ACVR1C: variants seen among roughly 807,000 people sequenced by gnomAD.
ACVR1C encodes the protein activin A receptor type 1C.
In ACVR1C, 23 loss-of-function variants were observed where a neutral mutation model predicts 57.9. The ratio of observed to expected loss-of-function variants is 0.40; its 90% confidence interval spans 0.29 to 0.56. The LOEUF is 0.56. Ranked by LOEUF, ACVR1C falls within the 20% of genes least tolerant of loss-of-function variation. The probability of loss-of-function intolerance (pLI) is 0.50; values close to 1 mark genes in which losing one functional copy is unlikely to be tolerated. For synonymous variants in ACVR1C, 214 were observed against 215.3 expected (o/e 0.99, Z 0.05); for missense variants, 480 against 607.9 (o/e 0.79, Z 2.21).
At chr2:157,549,943 C>A (rs999236547) in intron 4 of ACVR1C, among the ~76,000 whole-genome samples, 2 of 135,676 alleles carry the variant, frequency 1.5e-5, no homozygotes, top group African/African-American at 5.6e-5. Flanking sequence ...GCAGAGCTTG[C>A]GGTGAGCCGA....
intron 1 of ACVR1C, among the ~76,000 whole-genome samples, chr2:157,611,696 G>T (rs910370682): frequency 6.6e-6 from 1 of 152,152 alleles, no homozygotes; most frequent in South Asian, 2.1e-4. Flanking sequence ...GCATGTGTGG[G>T]TATATTTTGT....
intron 1 of ACVR1C, among the ~76,000 whole-genome samples, chr2:157,596,248 C>T (rs1682107231): frequency 6.6e-6 from 1 of 151,984 alleles, no homozygotes; most frequent in South Asian, 2.1e-4. Context: ...ATATAGAAAT[C>T]CTTTGTCATA....
intron 2 of ACVR1C, among the ~76,000 whole-genome samples, chr2:157,578,253 G>A (rs985845117): frequency 6.6e-6 from 1 of 152,076 alleles, no homozygotes; most frequent in Non-Finnish European, 1.5e-5. Context: ...TTTCCGTACT[G>A]GAGATTAGAA....
In ACVR1C at chr2:157,528,239, A is replaced by G. The variant is rs576889194; in HGVS notation, c.*5679T>C. 6.6e-6 allele frequency: 1 copy of G among 152,270 alleles called. No individual in the cohort carries two copies. The highest frequency in any genetic ancestry group is 2.1e-4 in the South Asian group (1 of 4,828). 9.4% of individuals were successfully genotyped at this position (152,270 alleles called of 1,614,324 possible). A position where few individuals can be genotyped will look rare whatever the true frequency, so the allele number is the denominator to read the frequency against. ...TGGGAAGATTTATATAGAGCACAAC[A>G]GGCCTGACTGGATGTGATGGCAGTG... On this transcript the variant is annotated 3_prime_UTR_variant, in exon 9 of 9. Transcript: ENST00000243349.
chr2:157,616,858 G>A (rs1439200335), intron 1 of ACVR1C, among the ~76,000 whole-genome samples: 1 of 151,490 alleles, frequency 6.6e-6, no homozygotes, highest in East Asian at 1.9e-4. Context: ...AATCCACAAA[G>A]AAAGTAAAAT....
intron 2 of ACVR1C, among the ~76,000 whole-genome samples, chr2:157,579,773 C>A (rs1452886083): frequency 1.3e-5 from 2 of 152,062 alleles, no homozygotes; most frequent in African/African-American, 4.8e-5. Context: ...TTCCAGATTT[C>A]TTGTCATATG....
At chr2:157,586,190 T>C (rs1040381166) in intron 2 of ACVR1C, among the ~76,000 whole-genome samples, 1 of 152,174 alleles carries the variant, frequency 6.6e-6, no homozygotes, top group Non-Finnish European at 1.5e-5. Flanking sequence ...TTTGTTTACA[T>C]AGTTATCTTC....
At chr2:157,558,933 A>G (rs1010834350) in intron 2 of ACVR1C, among the ~76,000 whole-genome samples, 4 of 152,260 alleles carry the variant, frequency 2.6e-5, no homozygotes, top group African/African-American at 7.2e-5. Context: ...TGCATCTTAC[A>G]TAAACATCTA....
At chr2:157,594,148 T>A (rs1022452337) in intron 1 of ACVR1C, among the ~76,000 whole-genome samples, 1 of 152,194 alleles carries the variant, frequency 6.6e-6, no homozygotes, top group Non-Finnish European at 1.5e-5. Context: ...AAATTATTAG[T>A]ACTAACCATT....
At chr2:157,622,657 A>C (rs1339038370) in intron 1 of ACVR1C, among the ~76,000 whole-genome samples, 1 of 152,210 alleles carries the variant, frequency 6.6e-6, no homozygotes, top group Non-Finnish European at 1.5e-5. Context: ...AAACTACTAC[A>C]AGAAAACATT....
At chr2:157,586,907 C>T (rs2105256136) in intron 2 of ACVR1C, among the ~76,000 whole-genome samples, 1 of 152,236 alleles carries the variant, frequency 6.6e-6, no homozygotes, top group African/African-American at 2.4e-5. Flanking sequence ...TAAAAATTTA[C>T]ATTTGACTTT....
intron 2 of ACVR1C, among the ~76,000 whole-genome samples, chr2:157,564,132 A>G (rs1688304770): frequency 2.0e-5 from 3 of 152,200 alleles, no homozygotes; most frequent in Admixed American, 2.0e-4. Context: ...TAATTAAACT[A>G]AGAGCTTCTG....
intron 1 of ACVR1C, among the ~76,000 whole-genome samples, chr2:157,593,057 C>T (rs1336957877): frequency 6.6e-6 from 1 of 152,096 alleles, no homozygotes; most frequent in African/African-American, 2.4e-5. Flanking sequence ...CTTTTATCCA[C>T]TCTTTGCCAA....
rs757773721 is a variant in ACVR1C, at chr2:157,556,454, G to C, written c.305-122C>G. ...ATTCAGCTACACAGTATGCACTTAT[G>C]TTCATTGGTAAAGGCTCTCTGTGGT... On this transcript the variant is annotated intron_variant, in intron 2 of 8. Coordinates refer to ENST00000243349, the MANE Select transcript of ACVR1C (RefSeq NM_145259.3). The C allele has an allele frequency of 1.2e-4, 160 of 1,282,818 alleles. 1 individual carries two copies. The highest frequency in any genetic ancestry group is 1.7e-4 in the Non-Finnish European group (155 of 930,478). The allele number at this position is 1,282,818 out of a possible 1,614,324, so 79.5% of individuals were successfully genotyped here.
chr2:157,553,175 G>C (rs7585145), intron 3 of ACVR1C, among the ~76,000 whole-genome samples: 15,121 of 152,190 alleles, frequency 0.099, 969 homozygotes, highest in African/African-American at 0.17. Flanking sequence ...GAGGGAATCA[G>C]ACTCCCCCCT....
chr2:157,615,741 T>A (rs1275597145), intron 1 of ACVR1C, among the ~76,000 whole-genome samples: 4 of 152,178 alleles, frequency 2.6e-5, no homozygotes, highest in South Asian at 2.1e-4. Context: ...AATTTTTTAC[T>A]CACTGCATTT....
intron 3 of ACVR1C, among the ~76,000 whole-genome samples, chr2:157,553,677 T>C (rs1041094872): frequency 2.0e-5 from 3 of 152,182 alleles, no homozygotes; most frequent in African/African-American, 4.8e-5. Context: ...TTCAGATAAT[T>C]AAAATGGTTT....
intron 4 of ACVR1C, among the ~76,000 whole-genome samples, chr2:157,547,821 A>G (rs905094708): frequency 5.9e-5 from 9 of 151,660 alleles, no homozygotes; most frequent in African/African-American, 2.2e-4. Context: ...TCTTTAGTTT[A>G]ATTAGATCCC....
At chr2:157,565,481 T>C (rs1688347111) in intron 2 of ACVR1C, among the ~76,000 whole-genome samples, 1 of 152,166 alleles carries the variant, frequency 6.6e-6, no homozygotes, top group Non-Finnish European at 1.5e-5. Flanking sequence ...CCATTTGCCA[T>C]GCAGCAAATG....
Sources: gnomAD v4.1 joint callset for allele counts (sites outside exome capture counted in the v4.1 genomes callset) on GRCh38, gnomAD v4.1.1 for gene constraint, MANE v1.5 for transcripts, NCBI Gene and HGNC (gene_info 2026-07-23, HGNC 2026-07-21) for gene names.